Variants in SVIL observed in about 807,000 individuals in gnomAD.
SVIL encodes supervillin, also known as archvillin.
Under a neutral mutation model 240.4 loss-of-function variants are expected in SVIL, and 101 were observed. The observed-to-expected ratio is 0.42, with a 90% CI of 0.36 to 0.50. The LOEUF is 0.50. SVIL is among the 20% of genes least tolerant of loss of function. SVIL has a pLI of 0.01. For missense variants in SVIL, 2,512 were observed against 2,818.7 expected (o/e 0.89, Z 2.46); for synonymous variants, 999 against 1,100.0 (o/e 0.91, Z 1.82).
Position 29,463,566 on chromosome 10 carries a change from A to T in SVIL, c.6203T>A (p.Ile2068Asn). ...CCAGCGGATGCGGGCGGAACCAGTGATCTTGTTCTCGATGGGCCACCAGCC... is the reference window on the plus strand; with the variant it reads ...CCAGCGGATGCGGGCGGAACCAGTGTTCTTGTTCTCGATGGGCCACCAGCC... ...WQGWWPIENKITGSARIRWAS... is the reference protein window; with the variant it reads ...WQGWWPIENKNTGSARIRWAS... Residue 2068 changes from isoleucine to asparagine, a missense_variant, in exon 35 of 38, where the codon ATC becomes AAC. Transcript: ENST00000355867. 2 of 1,614,012 alleles carry T rather than the reference A, an allele frequency of 1.2e-6. No homozygotes were observed. The highest frequency in any genetic ancestry group is 2.7e-5 in the African/African-American group (2 of 74,990).
intron 22 of SVIL, among the ~76,000 whole-genome samples, chr10:29,489,579 G>C (rs1217362977): frequency 6.6e-6 from 1 of 152,086 alleles, no homozygotes; most frequent in Non-Finnish European, 1.5e-5. Context: ...AAAGGGTGTG[G>C]CTCTGTCGCC....
intron 1 of SVIL, among the ~76,000 whole-genome samples, chr10:29,618,344 C>T (rs1023075955): frequency 1.6e-4 from 25 of 152,222 alleles, no homozygotes; most frequent in African/African-American, 5.5e-4. Context: ...AGGAAAACAC[C>T]GTCTTTTCTG....
intron 1 of SVIL, among the ~76,000 whole-genome samples, chr10:29,612,573 T>A (rs902561612): frequency 1.3e-5 from 2 of 152,100 alleles, no homozygotes; most frequent in East Asian, 3.9e-4. Flanking sequence ...GTTCAACAGA[T>A]AACTTGTATT....
chr10:29,626,327 CA>C (rs1957866849), intron 1 of SVIL, among the ~76,000 whole-genome samples: 2 of 152,170 alleles, frequency 1.3e-5, no homozygotes, highest in Non-Finnish European at 2.9e-5. Context: ...GAGAATCGCT[CA>C]GGGTACTTTA....
At chr10:29,637,882 G>A (rs1047510058), upstream of SVIL, among the ~76,000 whole-genome samples, 1 of 152,168 alleles carries the variant, frequency 6.6e-6, no homozygotes, top group Admixed American at 6.5e-5. Context: ...GATACTATAC[G>A]AGTACACTTA....
chr10:29,490,313 T>C, intron 22 of SVIL, among the ~76,000 whole-genome samples: 1 of 152,148 alleles, frequency 6.6e-6, no homozygotes, highest in East Asian at 1.9e-4. Context: ...AAATAACTCT[T>C]TTACTATAAG....
At chr10:29,520,663 T>C (rs1385354178) in intron 16 of SVIL, among the ~76,000 whole-genome samples, 1 of 151,856 alleles carries the variant, frequency 6.6e-6, no homozygotes, top group East Asian at 1.9e-4. Flanking sequence ...ATCCCCGCAC[T>C]TTGGAAGGCT....
intron 3 of SVIL, 56 bp downstream of exon 3, chr10:29,563,145 G>A (rs905561176): frequency 2.4e-5 from 14 of 592,702 alleles, no homozygotes; most frequent in African/African-American, 1.0e-4. Context: ...AAGGAAATTC[G>A]GACAACACAA....
chr10:29,580,811 T>C (rs7087440), intron 1 of SVIL, among the ~76,000 whole-genome samples: 74,380 of 151,904 alleles, frequency 0.49, 19,333 homozygotes, highest in African/African-American at 0.67. Flanking sequence ...GGACCACGCC[T>C]GGCTATTTTT....
At chr10:29,647,977 A>C (rs544647322) in intron 3 of SVIL, among the ~76,000 whole-genome samples, 2 of 151,538 alleles carry the variant, frequency 1.3e-5, no homozygotes, top group East Asian at 1.9e-4. Flanking sequence ...ATATCAAAAA[A>C]AAAAAAAACA....
At chr10:29,565,427 G>A (rs1445640934) in intron 2 of SVIL, among the ~76,000 whole-genome samples, 1 of 152,192 alleles carries the variant, frequency 6.6e-6, no homozygotes, top group East Asian at 1.9e-4. Context: ...AAAGGTCTAA[G>A]AGGAAAGTCT....
intron 17 of SVIL, among the ~76,000 whole-genome samples, chr10:29,503,528 A>G (rs1341019111): frequency 6.6e-6 from 1 of 152,220 alleles, no homozygotes; most frequent in African/African-American, 2.4e-5. Flanking sequence ...GAAGAAAGAA[A>G]AGGAGTGACT....
At chr10:29,543,078 T>C (rs1952312161) in intron 6 of SVIL, among the ~76,000 whole-genome samples, 1 of 152,228 alleles carries the variant, frequency 6.6e-6, no homozygotes, top group African/African-American at 2.4e-5. Flanking sequence ...CAGTTTCTAT[T>C]AGCCCATTTA....
chr10:29,483,795 A>C (rs1046066993), intron 27 of SVIL: 1 of 152,196 alleles, frequency 6.6e-6, no homozygotes, highest in Non-Finnish European at 1.5e-5. Flanking sequence ...TGGTTTCTAT[A>C]ATGATTAATT....
At chr10:29,506,652 GCCC>G (rs1949309306) in intron 17 of SVIL, among the ~76,000 whole-genome samples, 3 of 149,212 alleles carry the variant, frequency 2.0e-5, no homozygotes, top group African/African-American at 7.6e-5. Flanking sequence ...GGGGACAGAG[GCCC>G]TGGAGGGAGG....
Position 29,480,602 on chromosome 10 carries a change from C to T in SVIL, c.5312G>A (p.Ser1771Asn). 1 of 1,614,178 alleles carries T rather than the reference C, an allele frequency of 6.2e-7. No individual in the cohort carries two copies. The highest frequency in any genetic ancestry group is 8.5e-7 in the Non-Finnish European group (1 of 1,180,040). The change falls in exon 29 of 38, where the codon AGC becomes AAC. Residue 1771 changes from serine (S) to asparagine (N), a missense_variant. Ser to Asn is a conservative substitution (Grantham distance 46). Transcript: ENST00000355867. ...ATCCCCCTCATGGAACTGCCCGATG[C>T]TTTGTTTGGGGAGCCTGCTATAGTC... ...EFDYSRLPKQ[S>N]IGQFHEGDAY...
At chr10:29,591,636 C>T (rs142598168) in intron 1 of SVIL, among the ~76,000 whole-genome samples, 16 of 152,336 alleles carry the variant, frequency 1.1e-4, no homozygotes, top group African/African-American at 3.8e-4. Flanking sequence ...TCCTCCCCTG[C>T]ACCCTGCACC....
chr10:29,536,111 A>C, intron 6 of SVIL, 42 bp from the exon 7 acceptor site: 1 of 1,566,300 alleles, frequency 6.4e-7, no homozygotes. Context: ...CTCTATTAAA[A>C]CGTCAACATA....
intron 1 of SVIL, among the ~76,000 whole-genome samples, chr10:29,708,707 C>A (rs79121895): frequency 0.015 from 2,288 of 152,126 alleles, 40 homozygotes; most frequent in East Asian, 0.092. Flanking sequence ...AAAAACAATG[C>A]AGAATGCTAT....
Sources: gnomAD v4.1 joint callset for allele counts (sites outside exome capture counted in the v4.1 genomes callset) on GRCh38, gnomAD v4.1.1 for gene constraint, MANE v1.5 for transcripts, NCBI Gene and HGNC (gene_info 2026-07-23, HGNC 2026-07-21) for gene names.